Variants in CDH18 observed in about 807,000 individuals in gnomAD.
CDH18 encodes cadherin-18.
In CDH18, 31 loss-of-function variants were observed where a neutral mutation model predicts 67.9. The observed-to-expected ratio is 0.46, with a 90% CI of 0.34 to 0.62. The LOEUF is 0.62. Among genes scored for constraint, CDH18 ranks in the 20% least tolerant of loss-of-function variants. The pLI is 0.01. For synonymous variants in CDH18, 362 were observed against 347.2 expected (o/e 1.04, Z -0.48); for missense variants, 890 against 975.5 (o/e 0.91, Z 1.17).
chr5:19,690,735 A>C (rs375426824), intron 5 of CDH18, among the ~76,000 whole-genome samples: 21 of 151,864 alleles, frequency 1.4e-4, no homozygotes, highest in African/African-American at 5.1e-4. Flanking sequence ...TCAAGAAGAA[A>C]TAGAAAACCA....
chr5:19,854,954 T>C lies in CDH18; in HGVS notation c.-256-15712A>G, dbSNP rs77339481. On this transcript the variant is annotated intron_variant, in intron 2 of 12. Coordinates refer to ENST00000382275, the MANE Select transcript of CDH18 (RefSeq NM_004934.5). ...CATGAGTTCAGTTTTGTTTTTTTTT[T>C]TCTAGTTCCCTAAATAAATGAGAAC... is the stretch of plus-strand genomic sequence containing the variant. Among the ~76,000 whole-genome samples the C allele has an allele frequency of 4.0e-5, 6 of 151,790 alleles. No individual in the cohort carries two copies. In the East Asian group the frequency reaches 5.8e-4, roughly 15 times the overall value.
chr5:20,053,826 C>T (rs1349279869), intron 2 of CDH18, among the ~76,000 whole-genome samples: 4 of 152,126 alleles, frequency 2.6e-5, no homozygotes, highest in Admixed American at 2.6e-4. Flanking sequence ...TAAGTCAAGC[C>T]ATGCCAGTCT....
At chr5:19,686,022 A>G (rs1761047519) in intron 5 of CDH18, among the ~76,000 whole-genome samples, 1 of 152,202 alleles carries the variant, frequency 6.6e-6, no homozygotes, top group Middle Eastern at 3.2e-3. Flanking sequence ...ATTGTATGCT[A>G]TATCTAATAA....
rs73766030 is a variant in CDH18 at position 20,367,545 on chromosome 5, A to G, written c.-579-112040T>C. On this transcript the variant is annotated intron_variant, in intron 1 of 14. Coordinates refer to the CDH18 transcript ENST00000507958. ...TTTGCGTTGTAGTTTTTCAGTAGATAATTTTCTGTGTACAATATTTTTAGA... is the reference window on the plus strand; with the variant it reads ...TTTGCGTTGTAGTTTTTCAGTAGATGATTTTCTGTGTACAATATTTTTAGA... 1.8e-3 allele frequency among the ~76,000 whole-genome samples: 273 copies of G among 152,306 alleles called. 2 individuals are homozygous for G. The highest frequency in any genetic ancestry group is 6.4e-3 in the African/African-American group (265 of 41,568).
At chr5:20,141,367 C>G (rs570084657) in intron 2 of CDH18, among the ~76,000 whole-genome samples, 1 of 152,182 alleles carries the variant, frequency 6.6e-6, no homozygotes, top group Admixed American at 6.6e-5. Context: ...AACTAGGAGG[C>G]ACCTGTACTA....
chr5:19,654,070 C>T (rs754546524), intron 5 of CDH18, among the ~76,000 whole-genome samples: 3 of 152,140 alleles, frequency 2.0e-5, no homozygotes, highest in Non-Finnish European at 4.4e-5. Flanking sequence ...GGAAGTACAA[C>T]AAGGCATTAT....
At chr5:19,598,293 C>T (rs985259254) in intron 6 of CDH18, among the ~76,000 whole-genome samples, 8 of 152,092 alleles carry the variant, frequency 5.3e-5, no homozygotes, top group African/African-American at 1.9e-4. Context: ...GTTTCAACAT[C>T]AACATATAAA....
chr5:20,552,068 T>C (rs1202606004), intron 1 of CDH18, among the ~76,000 whole-genome samples: 1 of 151,748 alleles, frequency 6.6e-6, no homozygotes, highest in Non-Finnish European at 1.5e-5. Flanking sequence ...TCAAGAAACA[T>C]CATACAATAG....
At chr5:20,229,680 A>C (rs917545470) in intron 2 of CDH18, among the ~76,000 whole-genome samples, 2 of 152,040 alleles carry the variant, frequency 1.3e-5, no homozygotes, top group African/African-American at 4.8e-5. Context: ...TTTAATTAAA[A>C]CATTTTGTTC....
At chr5:19,915,079 T>C (rs1321211529) in intron 2 of CDH18, among the ~76,000 whole-genome samples, 3 of 152,156 alleles carry the variant, frequency 2.0e-5, no homozygotes, top group African/African-American at 7.2e-5. Flanking sequence ...GAGGGAGTTT[T>C]GATGTTCCAC....
intron 1 of CDH18, among the ~76,000 whole-genome samples, chr5:20,358,726 G>A (rs945267024): frequency 3.3e-5 from 5 of 152,066 alleles, no homozygotes; most frequent in Admixed American, 3.3e-4. Flanking sequence ...TATTTAAAAT[G>A]GATGCAGCAG....
intron 1 of CDH18, among the ~76,000 whole-genome samples, chr5:20,350,908 T>G (rs1741116924): frequency 1.3e-5 from 2 of 152,004 alleles, no homozygotes; most frequent in African/African-American, 4.8e-5. Flanking sequence ...AGAGGGTAAA[T>G]TAACAGGTAG....
intron 6 of CDH18, among the ~76,000 whole-genome samples, chr5:19,601,663 A>G (rs1361277499): frequency 6.6e-6 from 1 of 152,110 alleles, no homozygotes; most frequent in African/African-American, 2.4e-5. Flanking sequence ...AAAATTAAAA[A>G]CCAATATTCC....
At chr5:20,257,842 G>T (rs1744362919) in intron 1 of CDH18, among the ~76,000 whole-genome samples, 1 of 151,998 alleles carries the variant, frequency 6.6e-6, no homozygotes, top group Non-Finnish European at 1.5e-5. Flanking sequence ...GTTTTAAAAT[G>T]CAACAATTAT....
At chr5:20,219,507 A>G (rs1051748449) in intron 2 of CDH18, among the ~76,000 whole-genome samples, 61 of 128,624 alleles carry the variant, frequency 4.7e-4, no homozygotes, top group African/African-American at 1.8e-3. Context: ...TACTAAAACT[A>G]AAGACATGTC....
chr5:20,570,728 C>A (rs1758768646), intron 1 of CDH18, among the ~76,000 whole-genome samples: 1 of 152,110 alleles, frequency 6.6e-6, no homozygotes, highest in African/African-American at 2.4e-5. Flanking sequence ...AGACAGAGTT[C>A]TAATGGACAG....
intron 8 of CDH18, among the ~76,000 whole-genome samples, chr5:19,564,646 T>C (rs529212241): frequency 2.0e-5 from 3 of 152,140 alleles, no homozygotes; most frequent in Non-Finnish European, 4.4e-5. Context: ...ATGGTGGCTA[T>C]GGGGAGAGAC....
At chr5:19,835,185 G>A (rs1439554551) in intron 3 of CDH18, among the ~76,000 whole-genome samples, 1 of 152,128 alleles carries the variant, frequency 6.6e-6, no homozygotes, top group East Asian at 1.9e-4. Context: ...GGAGTAGTAT[G>A]CAGCCATAAA....
chr5:20,069,690 C>T (rs1001287664), intron 2 of CDH18, among the ~76,000 whole-genome samples: 2 of 152,074 alleles, frequency 1.3e-5, no homozygotes, highest in African/African-American at 4.8e-5. Context: ...GGATTACAGA[C>T]GTGAGCCACT....
Sources: allele counts gnomAD v4.1 joint callset (sites outside exome capture counted in the v4.1 genomes callset), GRCh38; gene constraint gnomAD v4.1.1; transcripts MANE v1.5; gene names NCBI Gene and HGNC (gene_info 2026-07-23, HGNC 2026-07-21).